The following RABGAP1L variants were observed in gnomAD, a reference collection of about 807,000 sequenced individuals.
The protein encoded by RABGAP1L is RAB GTPase activating protein 1 like.
RABGAP1L carries 63 observed loss-of-function variants against 137.7 expected under a neutral mutation model. The ratio of observed to expected loss-of-function variants is 0.46; its 90% CI spans 0.37 to 0.56. The LOEUF is 0.56. Ranked by LOEUF, RABGAP1L falls within the 20% of genes least tolerant of loss-of-function variation. The pLI is 0.00. For missense variants in RABGAP1L, 1,095 were observed against 1,244.0 expected (o/e 0.88, Z 1.80); for synonymous variants, 431 against 433.7 (o/e 0.99, Z 0.08).
intron 13 of RABGAP1L, among the ~76,000 whole-genome samples, chr1:174,533,919 G>A (rs1368890623): frequency 2.6e-5 from 4 of 152,048 alleles, no homozygotes; most frequent in Admixed American, 2.6e-4. Flanking sequence ...TGATCCACTC[G>A]CCTCGGCCTC....
intron 18 of RABGAP1L, among the ~76,000 whole-genome samples, chr1:174,806,526 TA>T (rs1689314773): frequency 6.6e-6 from 1 of 152,194 alleles, no homozygotes; most frequent in East Asian, 1.9e-4. Context: ...GAGGATTGCT[TA>T]AGCCCAGGAG....
chr1:174,484,873 C>T (rs1659477369), intron 13 of RABGAP1L, among the ~76,000 whole-genome samples: 1 of 152,064 alleles, frequency 6.6e-6, no homozygotes, highest in African/African-American at 2.4e-5. Context: ...GGATTGTTTT[C>T]CCTATTTCTG....
chr1:174,798,418 G>A (rs4084252), intron 18 of RABGAP1L, among the ~76,000 whole-genome samples: 1 of 150,670 alleles, frequency 6.6e-6, no homozygotes, highest in South Asian at 2.1e-4. Flanking sequence ...AAAAAAAAAA[G>A]AAATCATTTT....
rs34345014 is a variant in RABGAP1L at position 174,172,176 on chromosome 1, T to TTGTGTG, written c.-34+12555_-34+12560dup. ...TTTTTTAAGGCTGAATAATATTCCC[T>TTGTGTG]TGTGTGTGTGTGTGTGTGTGTGTGT... On this transcript the variant is annotated intron_variant, in intron 1 of 25. Coordinates refer to ENST00000681986, the MANE Select transcript of RABGAP1L (RefSeq NM_001366446.1). Among the ~76,000 whole-genome samples the TTGTGTG allele has an allele frequency of 5.5e-3, 684 of 123,546 alleles. 9 individuals are homozygous for TTGTGTG. The highest frequency in any genetic ancestry group is 0.017 in the African/African-American group (557 of 32,752). The allele number at this position is 123,546 out of a possible 152,430, so 81.1% of individuals were successfully genotyped here.
chr1:174,522,711 C>A (rs1357599509), intron 13 of RABGAP1L, among the ~76,000 whole-genome samples: 1 of 152,168 alleles, frequency 6.6e-6, no homozygotes, highest in African/African-American at 2.4e-5. Flanking sequence ...TCTGGGGAAG[C>A]CTCAGGAAAC....
At chr1:174,400,382 C>T (rs1648424684) in intron 13 of RABGAP1L, among the ~76,000 whole-genome samples, 1 of 151,968 alleles carries the variant, frequency 6.6e-6, no homozygotes, top group South Asian at 2.1e-4. Flanking sequence ...CTTTAAAATC[C>T]ACAGGAGCAA....
At chr1:174,980,921 T>G (rs74802105) in intron 23 of RABGAP1L, among the ~76,000 whole-genome samples, 12 of 151,874 alleles carry the variant, frequency 7.9e-5, no homozygotes, top group Non-Finnish European at 1.5e-4. Context: ...TTTTTTTTTT[T>G]GCTAGACGAG....
intron 12 of RABGAP1L, among the ~76,000 whole-genome samples, chr1:174,382,844 C>A (rs1484271099): frequency 6.6e-6 from 1 of 152,006 alleles, no homozygotes; most frequent in East Asian, 1.9e-4. Flanking sequence ...GAACTGCGTT[C>A]CTTTGGAGGA....
chr1:174,242,552 C>T (rs1175531089), intron 5 of RABGAP1L, among the ~76,000 whole-genome samples: 1 of 152,192 alleles, frequency 6.6e-6, no homozygotes, highest in African/African-American at 2.4e-5. Context: ...GAGTTTATTT[C>T]TGGCGACAAA....
At chr1:174,639,991 T>C (rs1674397250) in intron 14 of RABGAP1L, among the ~76,000 whole-genome samples, 1 of 152,164 alleles carries the variant, frequency 6.6e-6, no homozygotes, top group African/African-American at 2.4e-5. Context: ...AGATACTTTA[T>C]TATCGAAAAG....
intron 13 of RABGAP1L, among the ~76,000 whole-genome samples, chr1:174,581,486 A>C (rs1668742107): frequency 1.3e-5 from 2 of 152,158 alleles, no homozygotes; most frequent in Non-Finnish European, 2.9e-5. Context: ...AGAATAGGCA[A>C]ATTTATTTGA....
intron 13 of RABGAP1L, among the ~76,000 whole-genome samples, chr1:174,457,681 G>C (rs1571898522): frequency 6.6e-6 from 1 of 151,500 alleles, no homozygotes; most frequent in African/African-American, 2.4e-5. Flanking sequence ...TTTTGTATTT[G>C]TAGTAGAGAC....
At chr1:174,171,816 A>C (rs931356046) in intron 1 of RABGAP1L, among the ~76,000 whole-genome samples, 3 of 151,958 alleles carry the variant, frequency 2.0e-5, no homozygotes, top group Non-Finnish European at 4.4e-5. Context: ...GCCTGACCAA[A>C]ATGGTGAAAA....
chr1:174,452,348 G>A (rs980586011), intron 13 of RABGAP1L, among the ~76,000 whole-genome samples: 29 of 152,170 alleles, frequency 1.9e-4, no homozygotes, highest in African/African-American at 6.5e-4. Flanking sequence ...CTGAGATCCA[G>A]GCCCTCATAA....
At chr1:174,949,623 G>C (rs1667421702) in intron 19 of RABGAP1L, among the ~76,000 whole-genome samples, 1 of 152,150 alleles carries the variant, frequency 6.6e-6, no homozygotes, top group African/African-American at 2.4e-5. Flanking sequence ...ATGATGATAG[G>C]AAGTTCACAA....
intron 5 of RABGAP1L, chr1:174,243,303 C>G (rs1671980003): frequency 6.6e-6 from 1 of 152,040 alleles, no homozygotes; most frequent in Admixed American, 6.6e-5. Context: ...TTGGCCAGAC[C>G]ATTTTGGATA....
At chr1:174,302,481 T>C (rs12067852) in intron 10 of RABGAP1L, among the ~76,000 whole-genome samples, 34,247 of 152,098 alleles carry the variant, frequency 0.23, 4,105 homozygotes, top group Admixed American at 0.25. Flanking sequence ...TAAAAAGACA[T>C]GAAATGGTAC....
At chr1:174,915,840 A>G (rs1237887159) in intron 19 of RABGAP1L, among the ~76,000 whole-genome samples, 1 of 152,194 alleles carries the variant, frequency 6.6e-6, no homozygotes, top group Non-Finnish European at 1.5e-5. Context: ...CCTTTATGAC[A>G]TATATGATTT....
intron 14 of RABGAP1L, among the ~76,000 whole-genome samples, chr1:174,657,162 T>G (rs1248369437): frequency 3.9e-5 from 6 of 152,158 alleles, no homozygotes; most frequent in African/African-American, 1.4e-4. Flanking sequence ...ATAGTTAGGG[T>G]TACATAGTGG....
Sources: gnomAD v4.1 joint callset for allele counts (sites outside exome capture counted in the v4.1 genomes callset) on GRCh38, gnomAD v4.1.1 for gene constraint, MANE v1.5 for transcripts, NCBI Gene and HGNC (gene_info 2026-07-23, HGNC 2026-07-21) for gene names.